Variants in NOL4 observed in about 807,000 individuals in gnomAD.
NOL4 encodes nucleolar protein 4, also known as cancer/testis antigen 125.
In NOL4, 17 loss-of-function variants were observed where a neutral mutation model predicts 75.9. The ratio of observed to expected loss-of-function variants is 0.22; its 90% CI spans 0.15 to 0.34. NOL4 has a LOEUF of 0.34. Ranked by LOEUF, NOL4 falls within the 10% of genes least tolerant of loss-of-function variation. NOL4 has a pLI of 1.00. For missense variants in NOL4, 614 were observed against 793.5 expected (o/e 0.77, Z 2.72); for synonymous variants, 292 against 289.9 (o/e 1.01, Z -0.07).
chr18:34,039,279 T>C (rs758181090), intron 5 of NOL4, among the ~76,000 whole-genome samples: 7 of 151,992 alleles, frequency 4.6e-5, no homozygotes, highest in Non-Finnish European at 8.8e-5. Context: ...CATAATAGCA[T>C]AATAGAATGA....
At chr18:34,047,679 T>A (rs929046142) in intron 5 of NOL4, among the ~76,000 whole-genome samples, 1 of 152,144 alleles carries the variant, frequency 6.6e-6, no homozygotes, top group South Asian at 2.1e-4. Context: ...TTAAAATTCA[T>A]ACAAGGTTTC....
intron 1 of NOL4, among the ~76,000 whole-genome samples, chr18:34,161,180 T>C (rs544151772): frequency 5.9e-5 from 9 of 152,328 alleles, no homozygotes; most frequent in African/African-American, 1.7e-4. Flanking sequence ...TAGCATTCCA[T>C]TGGGTATATA....
intron 5 of NOL4, among the ~76,000 whole-genome samples, chr18:34,036,342 T>C (rs1392044156): frequency 2.8e-5 from 4 of 140,836 alleles, no homozygotes; most frequent in Non-Finnish European, 6.1e-5. Context: ...AAAAAGGAAA[T>C]GCATCATATC....
chr18:34,201,841 T>C (rs1053371392), intron 1 of NOL4, among the ~76,000 whole-genome samples: 4 of 151,842 alleles, frequency 2.6e-5, no homozygotes, highest in Non-Finnish European at 5.9e-5. Context: ...AATATAAATT[T>C]TATATTCGGT....
chr18:33,866,740 T>G (rs1025977036), intron 10 of NOL4, among the ~76,000 whole-genome samples: 6 of 152,266 alleles, frequency 3.9e-5, no homozygotes, highest in African/African-American at 1.2e-4. Context: ...CAGGCAATTT[T>G]TGGCTTCTGG....
chr18:34,016,025 C>A (rs1261112589), intron 6 of NOL4, among the ~76,000 whole-genome samples: 1 of 152,014 alleles, frequency 6.6e-6, no homozygotes, highest in East Asian at 1.9e-4. Context: ...TTCTTATATT[C>A]ACAGAATGTT....
chr18:33,954,273 C>A (rs2069478655), intron 8 of NOL4, among the ~76,000 whole-genome samples: 1 of 152,254 alleles, frequency 6.6e-6, no homozygotes, highest in East Asian at 1.9e-4. Flanking sequence ...TCAATACAGG[C>A]ACAATCCCCT....
chr18:34,062,546 G>A (rs1196154594), intron 5 of NOL4, among the ~76,000 whole-genome samples: 1 of 152,018 alleles, frequency 6.6e-6, no homozygotes, highest in Admixed American at 6.6e-5. Flanking sequence ...CAGCAATAAT[G>A]CCTGCCATTT....
At chr18:33,893,813 A>T (rs1403077697) in intron 9 of NOL4, among the ~76,000 whole-genome samples, 1 of 152,112 alleles carries the variant, frequency 6.6e-6, no homozygotes. Context: ...TGAGAATATC[A>T]TGTGATGTGG....
chr18:33,955,089 T>A (rs929475499), intron 8 of NOL4, among the ~76,000 whole-genome samples: 7 of 152,064 alleles, frequency 4.6e-5, no homozygotes, highest in Admixed American at 3.9e-4. Context: ...AGTTAATTGG[T>A]GACAAAGAGA....
intron 1 of NOL4, among the ~76,000 whole-genome samples, chr18:34,212,757 A>G (rs1352753767): frequency 1.3e-5 from 2 of 152,168 alleles, no homozygotes; most frequent in Non-Finnish European, 2.9e-5. Context: ...GCTCGTTGTC[A>G]GCCAAGAGTG....
chr18:33,885,770 C>T (rs1033308825), intron 9 of NOL4, among the ~76,000 whole-genome samples: 1 of 152,038 alleles, frequency 6.6e-6, no homozygotes, highest in Non-Finnish European at 1.5e-5. Flanking sequence ...GGAGGTTCCT[C>T]AAAAATCTAA....
At chr18:34,110,044 C>T (rs557751279) in intron 2 of NOL4, among the ~76,000 whole-genome samples, 3 of 146,568 alleles carry the variant, frequency 2.0e-5, no homozygotes, top group African/African-American at 5.0e-5. Flanking sequence ...CAGGACCTGA[C>T]GGCTTCACTG....
intron 1 of NOL4, among the ~76,000 whole-genome samples, chr18:34,203,037 C>T (rs1234564642): frequency 6.6e-6 from 1 of 151,984 alleles, no homozygotes; most frequent in Non-Finnish European, 1.5e-5. Context: ...ATCAGACCAG[C>T]TATCCTTCAA....
chr18:34,105,017 C>A (rs1347921046), intron 3 of NOL4, 32 bp downstream of exon 3: 3 of 1,359,750 alleles, frequency 2.2e-6, no homozygotes, highest in Non-Finnish European at 3.1e-6. Context: ...AATAAAATTA[C>A]TTTAAATCTC....
chr18:34,085,656 G>A (rs2078209180), intron 5 of NOL4, among the ~76,000 whole-genome samples: 1 of 152,070 alleles, frequency 6.6e-6, no homozygotes, highest in Non-Finnish European at 1.5e-5. Context: ...AGTATTGAAA[G>A]GCAGAATTGT....
chr18:34,177,497 G>A (rs1184330369), intron 1 of NOL4, among the ~76,000 whole-genome samples: 1 of 151,878 alleles, frequency 6.6e-6, no homozygotes, highest in African/African-American at 2.4e-5. Flanking sequence ...TAGCTGATAT[G>A]GTTTAGCATG....
At chr18:33,936,521 C>T (rs2068069865) in intron 9 of NOL4, among the ~76,000 whole-genome samples, 1 of 151,662 alleles carries the variant, frequency 6.6e-6, no homozygotes, top group Non-Finnish European at 1.5e-5. Context: ...TTCCCCTTCC[C>T]TCCACTGTGT....
intron 1 of NOL4, among the ~76,000 whole-genome samples, chr18:34,169,778 C>T (rs2032834937): frequency 6.6e-6 from 1 of 151,808 alleles, no homozygotes; most frequent in Admixed American, 6.6e-5. Flanking sequence ...CTCAATAACA[C>T]AAAAAAACAC....
Sources: allele counts gnomAD v4.1 joint callset (sites outside exome capture counted in the v4.1 genomes callset), GRCh38; gene constraint gnomAD v4.1.1; transcripts MANE v1.5; gene names NCBI Gene and HGNC (gene_info 2026-07-23, HGNC 2026-07-21).